Variants in TMEM229B observed in about 807,000 individuals in gnomAD.
TMEM229B encodes the protein transmembrane protein 229B.
Under a neutral mutation model 13.7 loss-of-function variants are expected in TMEM229B, and 6 were observed. The observed-to-expected ratio is 0.44, with a 90% CI of 0.24 to 0.86. The LOEUF (loss-of-function observed/expected upper bound fraction) is 0.86. TMEM229B is among the 40% of genes least tolerant of loss of function. TMEM229B has a pLI of 0.23. For missense variants in TMEM229B, 170 were observed against 236.0 expected (o/e 0.72, Z 1.83); for synonymous variants, 107 against 102.1 (o/e 1.05, Z -0.29).
chr14:67,514,837 TC>T (rs1343518694), intron 1 of TMEM229B, among the ~76,000 whole-genome samples: 1 of 151,812 alleles, frequency 6.6e-6, no homozygotes, highest in Non-Finnish European at 1.5e-5. Flanking sequence ...TGTGCGCCCA[TC>T]CCCCGCAGGG....
At chr14:67,502,580 G>GT (rs1318478226) in intron 1 of TMEM229B, among the ~76,000 whole-genome samples, 1 of 150,126 alleles carries the variant, frequency 6.7e-6, no homozygotes, top group East Asian at 2.0e-4. Flanking sequence ...AGCCTCCTGA[G>GT]TAGCTGGGAT....
chr14:67,504,515 C>A (rs2032745821), intron 1 of TMEM229B, among the ~76,000 whole-genome samples: 1 of 151,918 alleles, frequency 6.6e-6, no homozygotes, highest in Non-Finnish European at 1.5e-5. Context: ...CAATAATATC[C>A]ACAAAATCAT....
chr14:67,484,532 T>C (rs1162834692), intron 2 of TMEM229B, among the ~76,000 whole-genome samples: 1 of 152,234 alleles, frequency 6.6e-6, no homozygotes, highest in African/African-American at 2.4e-5. Flanking sequence ...AAGTTCCCTG[T>C]AATCACACAT....
rs551777620 is a variant in TMEM229B at position 67,476,212 on chromosome 14, C to A, written c.-18-2271G>T. Among the ~76,000 whole-genome samples, 9 of 152,342 alleles carry A rather than the reference C, an allele frequency of 5.9e-5. No homozygotes were observed. The South Asian group carries it at 1.7e-3, about 28-fold the overall frequency. On this transcript the variant is annotated intron_variant, in intron 2 of 2. Transcript: ENST00000554480. ...ACATTTCAGCTGAAGCAGGCCTGGT[C>A]ACATTAATACCTACCCAGCCTTGTG...
At chr14:67,524,083 G>A (rs1172219011) in intron 1 of TMEM229B, among the ~76,000 whole-genome samples, 1 of 152,148 alleles carries the variant, frequency 6.6e-6, no homozygotes. Flanking sequence ...CCTTGTAAAT[G>A]CCCTGTAGTT....
At chr14:67,532,044 T>A (rs1207958679) in intron 1 of TMEM229B, among the ~76,000 whole-genome samples, 1 of 151,992 alleles carries the variant, frequency 6.6e-6, no homozygotes, top group African/African-American at 2.4e-5. Context: ...TCCCACAAAA[T>A]GGGGCTAATC....
intron 1 of TMEM229B, among the ~76,000 whole-genome samples, chr14:67,504,895 CAAAACA>C (rs55960434): frequency 2.0e-5 from 3 of 151,702 alleles, no homozygotes; most frequent in African/African-American, 7.3e-5. Flanking sequence ...TCAAACAAAA[CAAAACA>C]AAAACAAAAA....
intron 1 of TMEM229B, among the ~76,000 whole-genome samples, chr14:67,526,427 T>C (rs1243243769): frequency 6.6e-6 from 1 of 152,264 alleles, no homozygotes; most frequent in Non-Finnish European, 1.5e-5. Context: ...TTTGGTCTTG[T>C]GCTTTGCACA....
chr14:67,510,793 A>C (rs1199386967), intron 1 of TMEM229B, among the ~76,000 whole-genome samples: 1 of 152,184 alleles, frequency 6.6e-6, no homozygotes, highest in Non-Finnish European at 1.5e-5. Flanking sequence ...GCAATGAAAA[A>C]GGAGATGGGG....
intron 1 of TMEM229B, among the ~76,000 whole-genome samples, chr14:67,507,596 G>A (rs1265545712): frequency 6.6e-6 from 1 of 152,048 alleles, no homozygotes; most frequent in Non-Finnish European, 1.5e-5. Context: ...GTACAGACAT[G>A]CGCCACCATG....
At chr14:67,505,046 A>G (rs1389732807) in intron 1 of TMEM229B, among the ~76,000 whole-genome samples, 1 of 152,166 alleles carries the variant, frequency 6.6e-6, no homozygotes, top group Non-Finnish European at 1.5e-5. Context: ...TTAATCAGCA[A>G]ATTGACTCAA....
At chr14:67,489,192 A>G (rs2032050855), upstream of TMEM229B, among the ~76,000 whole-genome samples, 1 of 152,164 alleles carries the variant, frequency 6.6e-6, no homozygotes, top group African/African-American at 2.4e-5. Flanking sequence ...AGAAATGGTC[A>G]CCTCTATTTT....
intron 1 of TMEM229B, among the ~76,000 whole-genome samples, chr14:67,513,168 C>T (rs1313466205): frequency 2.0e-5 from 3 of 152,314 alleles, no homozygotes; most frequent in South Asian, 2.1e-4. Context: ...GAACATGCCA[C>T]GGAAAAGCCC....
upstream of TMEM229B, among the ~76,000 whole-genome samples, chr14:67,491,952 C>T (rs889919240): frequency 2.0e-5 from 3 of 152,314 alleles, no homozygotes; most frequent in South Asian, 4.1e-4. Flanking sequence ...CCCAACCCCA[C>T]GGGGCCCTGT....
intron 2 of TMEM229B, among the ~76,000 whole-genome samples, chr14:67,476,121 G>A (rs547714093): frequency 6.6e-6 from 1 of 152,342 alleles, no homozygotes; most frequent in South Asian, 2.1e-4. Context: ...TCCAAGGTGG[G>A]AGAAAAGACA....
At chr14:67,489,762 G>A (rs951260861), upstream of TMEM229B, among the ~76,000 whole-genome samples, 1 of 152,168 alleles carries the variant, frequency 6.6e-6, no homozygotes, top group Non-Finnish European at 1.5e-5. Context: ...AGGCCGAGGC[G>A]GGCGGATCAC....
Position 67,473,527 on chromosome 14 carries a change from G to A in TMEM229B, c.397C>T (p.Gln133Ter). 6.2e-7 allele frequency: 1 copy of A among 1,614,136 alleles called. No individual in the cohort carries two copies. Among genetic ancestry groups the A allele is most frequent in the Non-Finnish European group, 8.5e-7 (1 of 1,179,990 alleles). ...CGGAGGGTGTTGCGGATGATGAACT[G>A]CTCCATGATGAGGGCCCCGCAGAAC... is the stretch of plus-strand genomic sequence containing the variant. ...PWFCGALIME[Q>*]FIIRNTLRLR... The change falls in exon 3 of 3, where the codon CAG becomes TAG. Residue 133 changes from glutamine to a stop codon, truncating the protein, a stop_gained. Transcript: ENST00000554480. LOFTEE classifies it high-confidence loss of function. The surrounding 1 kb of genome is among the most constrained non-coding windows in gnomAD (Gnocchi z 6.5).
rs1407647743 is a variant in TMEM229B at position 67,487,148 on chromosome 14, G to T, written c.-167C>A. 6.6e-6 allele frequency: 1 copy of T among 152,202 alleles called. No individual in the cohort carries two copies. The highest frequency in any genetic ancestry group is 1.5e-5 in the Non-Finnish European group (1 of 68,068). The allele number at this position is 152,202 out of a possible 1,614,324, so 9.4% of individuals were successfully genotyped here. A position where few individuals can be genotyped will look rare whatever the true frequency, so the allele number is the denominator to read the frequency against. ...CTAGGGCTCAGCTGATCCTTGGCTG[G>T]GGGGCTGGCAGCTTCCATGTGTCCC... On this transcript the variant is annotated 5_prime_UTR_variant, in exon 2 of 3. Transcript: ENST00000554480.
chr14:67,486,105 C>G (rs114783188), intron 2 of TMEM229B, among the ~76,000 whole-genome samples: 4,136 of 152,352 alleles, frequency 0.027, 177 homozygotes, highest in African/African-American at 0.092. Context: ...TCGCTTCACT[C>G]ACGCCAGACA....
Sources: allele counts gnomAD v4.1 joint callset (sites outside exome capture counted in the v4.1 genomes callset), GRCh38; gene constraint gnomAD v4.1.1; non-coding constraint Gnocchi (gnomAD v3.1); transcripts MANE v1.5; gene names NCBI Gene and HGNC (gene_info 2026-07-23, HGNC 2026-07-21).